The following DPM1 variants were observed in gnomAD, a reference collection of about 807,000 sequenced individuals.
DPM1 encodes the protein dolichol-phosphate mannosyltransferase subunit 1.
Under a neutral mutation model 39.0 loss-of-function variants are expected in DPM1, and 27 were observed. That is an observed-to-expected ratio of 0.69 (90% CI 0.51 to 0.95). DPM1 has a LOEUF of 0.95. DPM1 is among the 40% of genes least tolerant of loss of function. The pLI is 0.00. For missense variants in DPM1, 307 were observed against 315.6 expected, an observed-to-expected ratio of 0.97 and a Z score of 0.21; for synonymous variants, 124 against 109.0, an observed-to-expected ratio of 1.14 and a Z score of -0.86.
At chr20:50,951,568 C>T (rs539282016) in intron 2 of DPM1, among the ~76,000 whole-genome samples, 1 of 152,286 alleles carries the variant, frequency 6.6e-6, no homozygotes, top group South Asian at 2.1e-4. Flanking sequence ...GTGGGCAGAT[C>T]ACCTGAGGTT....
intron 7 of DPM1, among the ~76,000 whole-genome samples, chr20:50,940,608 T>G (rs1233924790): frequency 6.6e-6 from 1 of 152,192 alleles, no homozygotes. Flanking sequence ...AATAGCAACA[T>G]TCCAAAGAGC....
In DPM1 at chr20:50,948,523, T is replaced by C. The variant is rs554958858; in HGVS notation, c.295+106A>G. The C allele has an allele frequency of 5.7e-6, 6 of 1,052,694 alleles. No homozygotes were observed. In the East Asian group the frequency reaches 7.1e-5, roughly 12 times the overall value. 65.2% of individuals were successfully genotyped at this position (1,052,694 alleles called of 1,614,324 possible). ...TCATTAAGATCATTAAAAACCATCA[T>C]AGGAAGTTACTGTATTTTGGCCCTA... On this transcript the variant is annotated intron_variant, in intron 3 of 8. Transcript: ENST00000371588.
intron 3 of DPM1, 87 bp downstream of exon 3, chr20:50,948,542 G>T: frequency 1.7e-6 from 2 of 1,167,808 alleles, no homozygotes; most frequent in Non-Finnish European, 2.6e-6. Context: ...ACTGTATTTT[G>T]GCCCTATTCC....
intron 6 of DPM1, among the ~76,000 whole-genome samples, chr20:50,941,595 C>A (rs1055825631): frequency 1.4e-4 from 21 of 151,786 alleles, no homozygotes; most frequent in Non-Finnish European, 3.1e-4. Context: ...ACAGTCCCAG[C>A]TACTCGGGAG....
In DPM1 at chr20:50,940,903, C is replaced by A. The variant is rs2123086444; in HGVS notation, c.525G>T (p.Leu175Phe). Residue 175 changes from leucine to phenylalanine, a missense_variant, in exon 7 of 9, where the codon TTG becomes TTT. By Grantham distance (22) the Leu-to-Phe change is conservative. Coordinates refer to ENST00000371588, the MANE Select transcript of DPM1 (RefSeq NM_003859.3). ...SRGANFLTQI[L>F]LRPGASDLTG... ...TTAAATCAGATGCTCCTGGTCTCAG[C>A]AAGATCTGAGTTAAAAAATTGGCCC... The A allele has an allele frequency of 1.2e-6, 2 of 1,613,930 alleles. No homozygotes were observed. The highest frequency in any genetic ancestry group is 1.7e-4 in the Middle Eastern group (1 of 6,060).
chr20:50,956,284 G>A (rs1052460391), intron 1 of DPM1, among the ~76,000 whole-genome samples: 2 of 152,066 alleles, frequency 1.3e-5, no homozygotes, highest in African/African-American at 2.4e-5. Context: ...ATAACATTCC[G>A]TTTTCTCTTG....
At chr20:50,958,300 C>G in intron 1 of DPM1, 63 bp downstream of exon 1, 4 of 1,595,294 alleles carry the variant, frequency 2.5e-6, no homozygotes, top group Non-Finnish European at 3.4e-6. Flanking sequence ...AGCCAGCTGC[C>G]GACACCCGGG....
chr20:50,937,596 T>C (rs930193545), intron 7 of DPM1, among the ~76,000 whole-genome samples: 6 of 152,044 alleles, frequency 3.9e-5, no homozygotes, highest in African/African-American at 1.4e-4. Flanking sequence ...GTTTCCACAT[T>C]ACCTTTATTT....
At chr20:50,935,358 G>C (rs1034683299) in intron 8 of DPM1, 122 bp from the exon 9 acceptor site, 3 of 685,176 alleles carry the variant, frequency 4.4e-6, no homozygotes, top group Non-Finnish European at 7.9e-6. Flanking sequence ...CTTAAAGTAA[G>C]TATAAAATTA....
chr20:50,941,138 C>T (rs999112998), intron 6 of DPM1: 16 of 605,368 alleles, frequency 2.6e-5, no homozygotes, highest in Middle Eastern at 5.2e-4. Flanking sequence ...CCTGTAATCC[C>T]AGGAGGCCAA....
At chr20:50,949,034 T>C (rs1390037843) in intron 2 of DPM1, among the ~76,000 whole-genome samples, 1 of 152,088 alleles carries the variant, frequency 6.6e-6, no homozygotes, top group Non-Finnish European at 1.5e-5. Context: ...CTAATTTTCG[T>C]ATTTTTAGTA....
Position 50,935,116 on chromosome 20 carries a change from A to C in DPM1, c.*16T>G, listed in dbSNP as rs1036007125. On this transcript the variant is annotated 3_prime_UTR_variant, in exon 9 of 9. Transcript: ENST00000371588. ...TTAACCTGAAATGAACGTAACTATA[A>C]ATGAGTATCTTTCTTTTATGTAGTA... The C allele has an allele frequency of 2.9e-6, 4 of 1,384,766 alleles. No homozygotes were observed. The Admixed American group carries it at 6.7e-5, about 23-fold the overall frequency. 85.8% of individuals were successfully genotyped at this position (1,384,766 alleles called of 1,614,324 possible). A position where few individuals can be genotyped will look rare whatever the true frequency, so the allele number is the denominator to read the frequency against.
At chr20:50,951,269 G>C (rs964792365) in intron 2 of DPM1, among the ~76,000 whole-genome samples, 1 of 152,142 alleles carries the variant, frequency 6.6e-6, no homozygotes, top group African/African-American at 2.4e-5. Flanking sequence ...TAAAATATTA[G>C]AGTATTATGG....
At chr20:50,948,506 A>G in intron 3 of DPM1, 123 bp downstream of exon 3, 1 of 961,630 alleles carries the variant, frequency 1.0e-6, no homozygotes, top group Non-Finnish European at 1.7e-6. Flanking sequence ...TGTCATTAAG[A>G]TCATTAAAAA....
At chr20:50,947,223 T>C (rs1208803592) in intron 3 of DPM1, among the ~76,000 whole-genome samples, 1 of 151,608 alleles carries the variant, frequency 6.6e-6, no homozygotes, top group East Asian at 2.0e-4. Context: ...AAACAAAAAT[T>C]AGCCGGGCAT....
intron 6 of DPM1, 60 bp downstream of exon 6, chr20:50,941,971 T>C: frequency 7.1e-7 from 1 of 1,410,076 alleles, no homozygotes. Context: ...ATCCAAATAC[T>C]TGCTATGAAT....
intron 7 of DPM1, among the ~76,000 whole-genome samples, chr20:50,939,717 G>A (rs1277057989): frequency 6.6e-6 from 1 of 152,180 alleles, no homozygotes; most frequent in African/African-American, 2.4e-5. Context: ...GGTCTCAAGT[G>A]ATTCTCCTGC....
Position 50,945,316 on chromosome 20 carries a change from G to C in DPM1, c.398+421C>G, listed in dbSNP as rs886775557. Among the ~76,000 whole-genome samples, 4 of 123,922 alleles carry C rather than the reference G, an allele frequency of 3.2e-5. No individual in the cohort carries two copies. In the South Asian group the frequency reaches 9.3e-4, roughly 29 times the overall value. 81.3% of individuals were successfully genotyped at this position (123,922 alleles called of 152,430 possible). On this transcript the variant is annotated intron_variant, in intron 5 of 8. Coordinates refer to ENST00000371588, the MANE Select transcript of DPM1 (RefSeq NM_003859.3). Reference sequence around the variant, plus strand: ...TGTGTGTGTGTGTGTGTGTGTGTGTGTGTGTGTCTACTATCTATACAGATA... The same window carrying C: ...TGTGTGTGTGTGTGTGTGTGTGTGTCTGTGTGTCTACTATCTATACAGATA...
intron 7 of DPM1, among the ~76,000 whole-genome samples, chr20:50,939,822 G>C (rs1472836616): frequency 6.6e-6 from 1 of 151,350 alleles, no homozygotes; most frequent in Non-Finnish European, 1.5e-5. Context: ...ACGTTGCCCA[G>C]GCTGGTCTTA....
Sources: allele counts gnomAD v4.1 joint callset (sites outside exome capture counted in the v4.1 genomes callset), GRCh38; gene constraint gnomAD v4.1.1; transcripts MANE v1.5; gene names NCBI Gene and HGNC (gene_info 2026-07-23, HGNC 2026-07-21).